Variants in COL5A2 observed in about 807,000 individuals in gnomAD.
COL5A2 encodes the protein collagen alpha-2(V) chain.
COL5A2 carries 23 observed loss-of-function variants against 208.2 expected under a neutral mutation model. The observed-to-expected ratio is 0.11, with a 90% CI of 0.08 to 0.16. The LOEUF (loss-of-function observed/expected upper bound fraction) is 0.16. Among genes scored for constraint, COL5A2 ranks in the 10% least tolerant of loss-of-function variants. The pLI is 1.00. For missense variants in COL5A2, 1,590 were observed against 1,956.4 expected (o/e 0.81, Z 3.53); for synonymous variants, 625 against 628.5 (o/e 0.99, Z 0.08).
At chr2:189,107,452 T>C (rs561601934) in intron 2 of COL5A2, among the ~76,000 whole-genome samples, 1 of 151,670 alleles carries the variant, frequency 6.6e-6, no homozygotes. Context: ...TTAGATCTTT[T>C]GGTTGGGTTT....
the COL5A2 span, among the ~76,000 whole-genome samples, chr2:189,351,777 G>C: frequency 0.57 from 85,924 of 152,010 alleles, 26,157 homozygotes; most frequent in East Asian, 0.71. Context: ...CAGAAACCTA[G>C]ATTCCAAAAC....
chr2:189,156,721 A>C (rs1688255013), intron 1 of COL5A2, among the ~76,000 whole-genome samples: 1 of 152,182 alleles, frequency 6.6e-6, no homozygotes, highest in Admixed American at 6.5e-5. Context: ...TTTGTGCTGA[A>C]TATTTGAGTC....
chr2:189,261,943 T>C, the COL5A2 span, among the ~76,000 whole-genome samples: 1 of 152,138 alleles, frequency 6.6e-6, no homozygotes, highest in Non-Finnish European at 1.5e-5. Context: ...TCCTAAAATA[T>C]GAAAACCAAG....
chr2:189,361,919 C>T, the COL5A2 span, among the ~76,000 whole-genome samples: 2 of 152,108 alleles, frequency 1.3e-5, no homozygotes, highest in Non-Finnish European at 2.9e-5. Context: ...TTCTCCCCCA[C>T]ATTTTGACTT....
chr2:189,342,826 CA>C, the COL5A2 span, among the ~76,000 whole-genome samples: 2 of 151,974 alleles, frequency 1.3e-5, no homozygotes, highest in African/African-American at 4.8e-5. Context: ...ATAGCAAACA[CA>C]GTGTGAAATC....
intron 2 of COL5A2, among the ~76,000 whole-genome samples, chr2:189,105,547 G>C (rs922842274): frequency 1.3e-5 from 2 of 150,448 alleles, no homozygotes; most frequent in African/African-American, 4.9e-5. Flanking sequence ...ATTTTTATTA[G>C]GTTATTGATA....
At chr2:189,331,041 AT>A in the COL5A2 span, among the ~76,000 whole-genome samples, 1 of 152,350 alleles carries the variant, frequency 6.6e-6, no homozygotes. Flanking sequence ...ATTTTATGAG[AT>A]TGCGAAAAAT....
At chr2:189,228,902 A>G (rs1052687025), upstream of COL5A2, among the ~76,000 whole-genome samples, 1 of 151,892 alleles carries the variant, frequency 6.6e-6, no homozygotes, top group African/African-American at 2.4e-5. Flanking sequence ...TTAGATGCAA[A>G]AATCCTCAAA....
chr2:189,261,256 T>C, the COL5A2 span, among the ~76,000 whole-genome samples: 2 of 152,212 alleles, frequency 1.3e-5, no homozygotes, highest in South Asian at 2.1e-4. Context: ...CATCAAGTTA[T>C]GTATCCCTAA....
chr2:189,096,881 A>T (rs1003374050), intron 6 of COL5A2, among the ~76,000 whole-genome samples: 2 of 152,052 alleles, frequency 1.3e-5, no homozygotes, highest in African/African-American at 4.8e-5. Flanking sequence ...GCTACCTGGG[A>T]AATAAACTTG....
the COL5A2 span, among the ~76,000 whole-genome samples, chr2:189,375,318 A>G: frequency 6.6e-6 from 1 of 152,112 alleles, no homozygotes; most frequent in Non-Finnish European, 1.5e-5. Context: ...CACCCAGCCT[A>G]TATTTTTATT....
At chr2:189,112,638 C>T (rs553986871) in intron 1 of COL5A2, among the ~76,000 whole-genome samples, 93 of 152,144 alleles carry the variant, frequency 6.1e-4, no homozygotes, top group Non-Finnish European at 1.0e-3. Flanking sequence ...AGTTTCTAAT[C>T]TGTTTTATCT....
At chr2:189,302,058 T>C in the COL5A2 span, among the ~76,000 whole-genome samples, 1 of 152,298 alleles carries the variant, frequency 6.6e-6, no homozygotes, top group South Asian at 2.1e-4. Context: ...AATCTGATAA[T>C]TTCATTATGA....
At chr2:189,381,042 T>C in the COL5A2 span, among the ~76,000 whole-genome samples, 3 of 151,982 alleles carry the variant, frequency 2.0e-5, no homozygotes, top group Admixed American at 6.6e-5. Context: ...ACCGTGGGAA[T>C]TACAGCTATA....
At chr2:189,059,834 C>T (rs1685989552) in intron 31 of COL5A2, among the ~76,000 whole-genome samples, 1 of 151,878 alleles carries the variant, frequency 6.6e-6, no homozygotes, top group African/African-American at 2.4e-5. Flanking sequence ...ATTCACCTGC[C>T]TCAGTCTCCC....
chr2:189,049,544 G>T, intron 43 of COL5A2, 90 bp from the exon 44 acceptor site: 1 of 919,592 alleles, frequency 1.1e-6, no homozygotes. Flanking sequence ...TGGTGCCTCT[G>T]GGCTCCTTCT....
the COL5A2 span, among the ~76,000 whole-genome samples, chr2:189,285,029 CCT>C: frequency 6.7e-6 from 1 of 149,714 alleles, no homozygotes; most frequent in East Asian, 2.0e-4. Flanking sequence ...TATGGACACC[CCT>C]GAGTCAGCCT....
intron 1 of COL5A2, among the ~76,000 whole-genome samples, chr2:189,118,316 A>G (rs1687436004): frequency 6.6e-6 from 1 of 152,050 alleles, no homozygotes; most frequent in African/African-American, 2.4e-5. Flanking sequence ...TCATTATTGT[A>G]TACTCAATGA....
chr2:189,319,598 G>C, the COL5A2 span, among the ~76,000 whole-genome samples: 2 of 152,248 alleles, frequency 1.3e-5, no homozygotes, highest in Non-Finnish European at 2.9e-5. Flanking sequence ...CAAACTGCAA[G>C]GCAGCAGCCA....
Sources: allele counts gnomAD v4.1 joint callset (sites outside exome capture counted in the v4.1 genomes callset), GRCh38; gene constraint gnomAD v4.1.1; transcripts MANE v1.5; gene names NCBI Gene and HGNC (gene_info 2026-07-23, HGNC 2026-07-21).